ABCC8: variants seen among roughly 807,000 people sequenced by gnomAD.
ABCC8 encodes the protein ATP-binding cassette sub-family C member 8.
ABCC8 carries 137 observed loss-of-function variants against 188.0 expected under a neutral mutation model. The ratio of observed to expected loss-of-function variants is 0.73; its 90% CI spans 0.63 to 0.84. The LOEUF (loss-of-function observed/expected upper bound fraction) is 0.84. Among genes scored for constraint, ABCC8 ranks in the 40% least tolerant of loss-of-function variants. The pLI is 0.00. For missense variants in ABCC8, 1,750 were observed against 2,072.7 expected (o/e 0.84, Z 3.02); for synonymous variants, 797 against 846.5 (o/e 0.94, Z 1.01).
chr11:17,404,726 G>T lies in ABCC8; in HGVS notation c.3400-57C>A. 6.4e-7 allele frequency: 1 copy of T among 1,557,358 alleles called. No homozygotes were observed. Among genetic ancestry groups the T allele is most frequent in the Admixed American group, 1.9e-5 (1 of 51,736 alleles). ...AATTTTGGTATTGACTGTGTTTAGA[G>T]TGCTACTGGCCGCCATGTTTTGCTC... On this transcript the variant is annotated intron_variant, in intron 27 of 38. Coordinates refer to ENST00000389817, the MANE Select transcript of ABCC8 (RefSeq NM_000352.6). This position sits in a 1 kb window ranked among gnomAD's most constrained non-coding sequence, Gnocchi z 4.7.
chr11:17,443,638 G>A (rs1956411188), intron 8 of ABCC8, among the ~76,000 whole-genome samples: 1 of 152,168 alleles, frequency 6.6e-6, no homozygotes, highest in African/African-American at 2.4e-5. Flanking sequence ...CAATGTTTGT[G>A]ACAGCACCTT....
At chr11:17,476,569 GCCT>G in intron 1 of ABCC8, 57 bp downstream of exon 1, 2 of 1,575,834 alleles carry the variant, frequency 1.3e-6, no homozygotes, top group Non-Finnish European at 1.7e-6. Flanking sequence ...GGCGCGCAGC[GCCT>G]CCTCCTCCCT....
intron 33 of ABCC8, 163 bp downstream of exon 33, chr11:17,396,753 G>T: frequency 1.2e-6 from 1 of 858,540 alleles, no homozygotes; most frequent in Non-Finnish European, 1.8e-6. Context: ...GGAGAGGAAA[G>T]ATGGGCCCCC....
intron 10 of ABCC8, chr11:17,435,650 T>C: frequency 7.1e-7 from 1 of 1,408,066 alleles, no homozygotes; most frequent in Non-Finnish European, 1.0e-6. Context: ...TGTAGGAAGA[T>C]GATGCTGGGA....
chr11:17,448,261 T>A, intron 8 of ABCC8: 1 of 490,596 alleles, frequency 2.0e-6, no homozygotes, highest in East Asian at 3.8e-5. Flanking sequence ...GATTTTTCTA[T>A]AGTTTATAAA....
chr11:17,404,504 GC>G lies in ABCC8; in HGVS notation c.3557+7del. Reference sequence around the variant, plus strand: ...GCACCTCCCACCCCTCACCCCTGAGGCCATCACCTGGACGCCACCCGGAAGT... The same window carrying G: ...GCACCTCCCACCCCTCACCCCTGAGGCATCACCTGGACGCCACCCGGAAGT... On this transcript the variant is annotated splice_region_variant and intron_variant, in intron 28 of 38. Coordinates refer to ENST00000389817, the MANE Select transcript of ABCC8 (RefSeq NM_000352.6). This position sits in a 1 kb window ranked among gnomAD's most constrained non-coding sequence, Gnocchi z 4.7. 1.9e-6 allele frequency: 3 copies of G among 1,613,252 alleles called. No individual in the cohort carries two copies. The highest frequency in any genetic ancestry group is 2.5e-6 in the Non-Finnish European group (3 of 1,179,288).
chr11:17,409,924 C>T (rs992816082), intron 22 of ABCC8, among the ~76,000 whole-genome samples: 1 of 152,060 alleles, frequency 6.6e-6, no homozygotes, highest in Non-Finnish European at 1.5e-5. Context: ...CTCTGTCGCC[C>T]AGGCTGTAGT....
chr11:17,428,127 C>A (rs549991849), intron 14 of ABCC8, 162 bp downstream of exon 14: 4 of 1,550,920 alleles, frequency 2.6e-6, no homozygotes, highest in African/African-American at 1.4e-5. Context: ...GGCTGGGGGT[C>A]CCCCCACTTG....
rs1288677984 is a variant in ABCC8 at position 17,402,705 on chromosome 11, G to A, written c.3606C>T (p.His1202=). 9.3e-6 allele frequency: 15 copies of A among 1,614,116 alleles called. No individual in the cohort carries two copies. Among genetic ancestry groups the A allele is most frequent in the Non-Finnish European group, 1.0e-5 (12 of 1,180,054 alleles). Residue 1202 remains histidine, a synonymous_variant, in exon 29 of 39, where the codon CAC becomes CAT. Transcript: ENST00000389817. ...TGAGTCCTTCTACGGTTTCGGCAAA[G>A]TGTGAGAGAAGTGGAAGCTGGGTGG... The part of the protein sequence containing the change: ...DDTTQLPLLS[H]FAETVEGLTT...
intron 18 of ABCC8, among the ~76,000 whole-genome samples, chr11:17,414,865 T>C (rs1954990823): frequency 6.6e-6 from 1 of 152,050 alleles, no homozygotes; most frequent in African/African-American, 2.4e-5. Flanking sequence ...AGCCCTGCAG[T>C]CTGTTGTTCC....
chr11:17,432,590 G>A (rs1955899038), intron 10 of ABCC8, among the ~76,000 whole-genome samples: 2 of 152,196 alleles, frequency 1.3e-5, no homozygotes, highest in African/African-American at 4.8e-5. Flanking sequence ...GTTTCTGGGG[G>A]CACAAAGCTG....
chr11:17,392,550 C>A, downstream of ABCC8: 1 of 273,446 alleles, frequency 3.7e-6, no homozygotes, highest in Non-Finnish European at 7.1e-6. Flanking sequence ...AGAGAGAAAG[C>A]AGGGATGCAT....
At position 17,393,060 on chromosome 11, in the gene ABCC8, G is replaced by A. The variant is rs771106160; in HGVS notation, c.4677C>T (p.Phe1559=). 2.9e-5 allele frequency: 46 copies of A among 1,613,970 alleles called. 1 individual carries two copies. Among genetic ancestry groups the A allele is most frequent in the South Asian group, 6.6e-5 (6 of 91,082 alleles). The part of the protein sequence containing the change: ...IVLKRGAILE[F]DKPEKLLSRK... ...GGCTGAGCAGCTTCTCTGGCTTATC[G>A]AACTCAAGGATGGCACCCCGCTTCA... Residue 1559 remains phenylalanine, a synonymous_variant, in exon 39 of 39, where the codon TTC becomes TTT. Transcript: ENST00000389817.
Position 17,410,709 on chromosome 11 carries a change from G to A in ABCC8, c.2557-56C>T, listed in dbSNP as rs1427325341. 3.1e-6 allele frequency: 5 copies of A among 1,610,782 alleles called. No homozygotes were observed. The Admixed American group carries it at 5.0e-5, about 16-fold the overall frequency. On this transcript the variant is annotated intron_variant, in intron 21 of 38. Transcript: ENST00000389817. ...GGTAGGGAAAGGCATGGTGGGGAGGGGTGACAATGAGTATAAAACCCATTA... is the reference window on the plus strand; with the variant it reads ...GGTAGGGAAAGGCATGGTGGGGAGGAGTGACAATGAGTATAAAACCCATTA...
chr11:17,469,239 G>T (rs952185757), intron 3 of ABCC8, among the ~76,000 whole-genome samples: 1 of 151,988 alleles, frequency 6.6e-6, no homozygotes, highest in Non-Finnish European at 1.5e-5. Context: ...CCACCGATGC[G>T]TGCCACCATG....
intron 2 of ABCC8, 122 bp from the exon 3 acceptor site, chr11:17,470,344 G>A: frequency 6.5e-7 from 1 of 1,531,642 alleles, no homozygotes; most frequent in South Asian, 1.2e-5. Context: ...ATAGGCTGCA[G>A]GGCCCTTTAG....
intron 29 of ABCC8, among the ~76,000 whole-genome samples, chr11:17,399,447 C>T (rs1479224199): frequency 1.3e-5 from 2 of 152,160 alleles, no homozygotes; most frequent in African/African-American, 4.8e-5. Flanking sequence ...ATACTAAAGT[C>T]TTCCCTACCC....
Position 17,443,197 on chromosome 11 carries a change from T to C in ABCC8, c.1448A>G (p.Gln483Arg). Reference sequence around the variant, plus strand: ...ACTCACCAGTGTGCTCCGCTGGGCCTGAGACAGCTTGGTGGCCACGAAGTA... The same window carrying C: ...ACTCACCAGTGTGCTCCGCTGGGCCCGAGACAGCTTGGTGGCCACGAAGTA... ...VQYFVATKLS[Q>R]AQRSTLEYSN... The change falls in exon 9 of 39, where the codon CAG (glutamine) becomes CGG (arginine). Residue 483 changes from glutamine to arginine, a missense_variant. Gln to Arg is a conservative substitution (Grantham distance 43). Transcript: ENST00000389817. 1.2e-6 allele frequency: 2 copies of C among 1,614,146 alleles called. No individual in the cohort carries two copies. The highest frequency in any genetic ancestry group is 2.2e-5 in the South Asian group (2 of 91,076).
chr11:17,418,369 CTGAA>C, intron 16 of ABCC8, among the ~76,000 whole-genome samples: 1 of 152,294 alleles, frequency 6.6e-6, no homozygotes, highest in Middle Eastern at 3.4e-3. Context: ...AGGGTCAGGA[CTGAA>C]TGAAGATTCT....
Sources: gnomAD v4.1 joint callset for allele counts (sites outside exome capture counted in the v4.1 genomes callset) on GRCh38, gnomAD v4.1.1 for gene constraint, Gnocchi (gnomAD v3.1) non-coding constraint, MANE v1.5 for transcripts, NCBI Gene and HGNC (gene_info 2026-07-23, HGNC 2026-07-21) for gene names.